Variants in SLC12A7 observed in about 807,000 individuals in gnomAD.
SLC12A7 encodes K-Cl cotransporter 4.
A neutral mutation model predicts 120.6 loss-of-function variants in SLC12A7; 100 were observed. The observed-to-expected ratio is 0.83, with a 90% CI of 0.71 to 0.98. The LOEUF (loss-of-function observed/expected upper bound fraction) is 0.98. Among genes scored for constraint, SLC12A7 ranks in the 50% least tolerant of loss-of-function variants. SLC12A7 has a pLI of 0.00. For missense variants in SLC12A7, 1,373 were observed against 1,548.1 expected, an observed-to-expected ratio of 0.89 and a Z score of 1.90; for synonymous variants, 760 against 678.0, an observed-to-expected ratio of 1.12 and a Z score of -1.88.
Position 1,076,695 on chromosome 5 carries a change from T to C in SLC12A7, c.1747A>G (p.Met583Val). Residue 583 changes from methionine to valine, a missense_variant and splice_region_variant, in exon 13 of 24, where the codon ATG (methionine) becomes GTG (valine). By Grantham distance (21) the Met-to-Val change is conservative (BLOSUM62 1). Coordinates refer to ENST00000264930, the MANE Select transcript of SLC12A7 (RefSeq NM_006598.3). ...SLDSVAPILS[M>V]FFLMCYLFVN... ...GGTCCCCGTCCTGTGGGGGCTCACA[T>C]GGAGAGGATCGGGGCCACGCTGTCC... 1 of 1,607,912 alleles carries C rather than the reference T, an allele frequency of 6.2e-7. No homozygotes were observed. Among genetic ancestry groups the C allele is most frequent in the East Asian group, 2.2e-5 (1 of 44,818 alleles).
Position 1,111,982 on chromosome 5 carries a change from T to C in SLC12A7, c.10A>G (p.Asn4Asp). Residue 4 changes from asparagine (N) to aspartate (D), a missense_variant, in exon 1 of 24, where the codon AAC (asparagine) becomes GAC (aspartate). Physicochemically the swap from Asn to Asp is conservative, Grantham distance 23 (BLOSUM62 1). Coordinates refer to ENST00000264930, the MANE Select transcript of SLC12A7 (RefSeq NM_006598.3). ...GCCTCCACGGGCACCACGGTGAAGTTGGTGGGCATGGCCGCCTGCAGCCGA... is the reference window on the plus strand; with the variant it reads ...GCCTCCACGGGCACCACGGTGAAGTCGGTGGGCATGGCCGCCTGCAGCCGA... MPT[N>D]FTVVPVEAHA... is the part of the protein sequence containing the mutation. 7.8e-7 allele frequency: 1 copy of C among 1,281,978 alleles called. No homozygotes were observed. Among genetic ancestry groups the C allele is most frequent in the Non-Finnish European group, 9.9e-7 (1 of 1,014,996 alleles). The allele number at this position is 1,281,978 out of a possible 1,614,324, so 79.4% of individuals were successfully genotyped here. A position where few individuals can be genotyped will look rare whatever the true frequency, so the allele number is the denominator to read the frequency against.
chr5:1,137,656 C>T, the SLC12A7 span, among the ~76,000 whole-genome samples: 1 of 152,246 alleles, frequency 6.6e-6, no homozygotes, highest in African/African-American at 2.4e-5. Flanking sequence ...CAGGGCCCGC[C>T]CCAGGACTTC....
upstream of SLC12A7, among the ~76,000 whole-genome samples, chr5:1,112,352 CCCCCTCCCCG>C (rs1743100315): frequency 4.4e-5 from 2 of 45,450 alleles, no homozygotes; most frequent in East Asian, 6.9e-4. Flanking sequence ...CCCTCCCCGG[CCCCCTCCCCG>C]CCTCCCCTCT....
chr5:1,139,371 C>A, the SLC12A7 span, among the ~76,000 whole-genome samples: 1 of 152,264 alleles, frequency 6.6e-6, no homozygotes, highest in Non-Finnish European at 1.5e-5. Context: ...CAGGCAAATG[C>A]AGCTGGTGCT....
chr5:1,129,583 G>C, the SLC12A7 span, among the ~76,000 whole-genome samples: 2 of 152,130 alleles, frequency 1.3e-5, no homozygotes. Flanking sequence ...GGCTCCAGGA[G>C]CCCAGCTGGG....
rs200011570 is a variant in SLC12A7, at chr5:1,058,989, C to CA, written c.2848-1341dup. Among the ~76,000 whole-genome samples the CA allele has an allele frequency of 7.3e-3, 1,115 of 152,342 alleles. 8 individuals are homozygous for CA. The highest frequency in any genetic ancestry group is 0.012 in the Non-Finnish European group (847 of 68,022). On this transcript the variant is annotated intron_variant, in intron 21 of 23. Coordinates refer to ENST00000264930, the MANE Select transcript of SLC12A7 (RefSeq NM_006598.3). ...TTCCCGCTCCCGGTCCCTCCTCGGTCAGCATTTGCTGACTCTCCACACTGA... is the reference window on the plus strand; with the variant it reads ...TTCCCGCTCCCGGTCCCTCCTCGGTCAAGCATTTGCTGACTCTCCACACTGA...
At chr5:1,138,018 G>A in the SLC12A7 span, among the ~76,000 whole-genome samples, 63 of 152,228 alleles carry the variant, frequency 4.1e-4, no homozygotes, top group African/African-American at 1.4e-3. Context: ...GCCGGCACCC[G>A]CCCCTCCTCT....
the SLC12A7 span, among the ~76,000 whole-genome samples, chr5:1,144,186 G>T: frequency 6.6e-6 from 1 of 152,016 alleles, no homozygotes; most frequent in Admixed American, 6.5e-5. Context: ...GGACCTGGAC[G>T]CACCCGCCAA....
intron 3 of SLC12A7, among the ~76,000 whole-genome samples, chr5:1,089,849 C>A (rs1441522078): frequency 6.6e-6 from 1 of 152,144 alleles, no homozygotes; most frequent in East Asian, 1.9e-4. Flanking sequence ...CCCAGCTCCA[C>A]TCGGGACGGG....
the SLC12A7 span, among the ~76,000 whole-genome samples, chr5:1,142,322 CCCTCTCT>C: frequency 2.9e-5 from 3 of 103,880 alleles, no homozygotes; most frequent in Admixed American, 9.4e-5. Context: ...CTCCCCTCTC[CCCTCTCT>C]CCTCTCCCCT....
At chr5:1,140,795 C>T in the SLC12A7 span, among the ~76,000 whole-genome samples, 1 of 152,244 alleles carries the variant, frequency 6.6e-6, no homozygotes, top group Non-Finnish European at 1.5e-5. Context: ...CATTGACAAG[C>T]ACTGGCTGGG....
chr5:1,139,172 GC>G, the SLC12A7 span, among the ~76,000 whole-genome samples: 13 of 152,380 alleles, frequency 8.5e-5, no homozygotes, highest in African/African-American at 3.1e-4. Context: ...CCAGGTGGCT[GC>G]TGAGTCCTCA....
the SLC12A7 span, among the ~76,000 whole-genome samples, chr5:1,147,097 T>C: frequency 6.6e-6 from 1 of 152,174 alleles, no homozygotes; most frequent in African/African-American, 2.4e-5. Context: ...CTGAATTTCC[T>C]TTCTTTTGTA....
chr5:1,145,576 T>A, the SLC12A7 span, among the ~76,000 whole-genome samples: 2 of 152,150 alleles, frequency 1.3e-5, no homozygotes, highest in Non-Finnish European at 2.9e-5. The surrounding 1 kb of genome is among the most constrained non-coding windows in gnomAD (Gnocchi z 4.4). Flanking sequence ...TCACAAAGGA[T>A]GTTATTTGAA....
chr5:1,083,992 C>T (rs1472565605), intron 7 of SLC12A7, 36 bp from the exon 8 acceptor site: 9 of 1,582,154 alleles, frequency 5.7e-6, no homozygotes, highest in East Asian at 2.2e-5. Context: ...CGTGTGCTGC[C>T]ACCGAAGTGG....
In SLC12A7 at chr5:1,085,324, C is replaced by G. The variant is rs1196128382; in HGVS notation, c.825G>C (p.Lys275Asn). The G allele has an allele frequency of 2.5e-6, 4 of 1,612,542 alleles. No homozygotes were observed. The East Asian group carries it at 8.9e-5, about 36-fold the overall frequency. Residue 275 changes from lysine to asparagine, a missense_variant, in exon 7 of 24, where the codon AAG becomes AAC. By Grantham distance (94) the Lys-to-Asn change is moderately conservative (BLOSUM62 0). Coordinates refer to ENST00000264930, the MANE Select transcript of SLC12A7 (RefSeq NM_006598.3). ...VVFVGVKYVN[K>N]LALVFLACVV... is the part of the protein sequence containing the mutation. ...CGCAGGCCAGGAAGACCAGCGCCAG[C>G]TTGTTGACATACTTGACGCCCACGA...
At chr5:1,085,608 G>A in intron 6 of SLC12A7, 135 bp from the exon 7 acceptor site, 8 of 1,303,076 alleles carry the variant, frequency 6.1e-6, no homozygotes, top group Non-Finnish European at 8.2e-6. Context: ...ATCCGTGCTG[G>A]ACGGAGCCCG....
intron 17 of SLC12A7, among the ~76,000 whole-genome samples, chr5:1,065,968 T>C (rs1737007668): frequency 1.3e-5 from 2 of 151,802 alleles, no homozygotes; most frequent in African/African-American, 4.8e-5. Flanking sequence ...CTCCCGGGGT[T>C]GGAGGGGGTC....
chr5:1,089,967 C>T (rs1030594458), intron 3 of SLC12A7, among the ~76,000 whole-genome samples: 49 of 152,264 alleles, frequency 3.2e-4, no homozygotes, highest in African/African-American at 1.1e-3. Context: ...GGTGCCAGCA[C>T]AAGGTGACGT....
Sources: gnomAD v4.1 joint callset for allele counts (sites outside exome capture counted in the v4.1 genomes callset) on GRCh38, gnomAD v4.1.1 for gene constraint, Gnocchi (gnomAD v3.1) non-coding constraint, MANE v1.5 for transcripts, NCBI Gene and HGNC (gene_info 2026-07-23, HGNC 2026-07-21) for gene names.